Variants in ARMC9 observed in about 807,000 individuals in gnomAD.
ARMC9 encodes armadillo repeat containing 9, also known as lisH domain-containing protein ARMC9.
Under a neutral mutation model 107.0 loss-of-function variants are expected in ARMC9, and 94 were observed. The observed-to-expected ratio is 0.88, with a 90% CI of 0.74 to 1.04. The LOEUF (loss-of-function observed/expected upper bound fraction) is 1.04. ARMC9 is among the 50% of genes least tolerant of loss of function. The pLI, the probability that ARMC9 is intolerant of heterozygous loss-of-function variation, is 0.00. For missense variants in ARMC9, 942 were observed against 1,030.1 expected, an observed-to-expected ratio of 0.91 and a Z score of 1.17; for synonymous variants, 380 against 396.9, an observed-to-expected ratio of 0.96 and a Z score of 0.51.
chr2:231,293,318 C>T (rs2041146233), intron 18 of ARMC9, among the ~76,000 whole-genome samples: 1 of 152,182 alleles, frequency 6.6e-6, no homozygotes, highest in African/African-American at 2.4e-5. Context: ...TCTGGGTAGG[C>T]CACGGTGTGG....
intron 20 of ARMC9, among the ~76,000 whole-genome samples, chr2:231,341,456 G>T (rs188142971): frequency 1.3e-5 from 2 of 152,204 alleles, no homozygotes; most frequent in Non-Finnish European, 2.9e-5. Flanking sequence ...ATGGCCCCTA[G>T]CTGCACGGGA....
intron 19 of ARMC9, among the ~76,000 whole-genome samples, chr2:231,330,842 C>G (rs1251322734): frequency 1.3e-5 from 2 of 149,666 alleles, no homozygotes; most frequent in African/African-American, 5.1e-5. Context: ...CTAAAGGAAG[C>G]AGGCTTTGGG....
In ARMC9 at chr2:231,371,943, AAG is replaced by A. The variant is rs1312537318; in HGVS notation, c.*409_*410del. On this transcript the variant is annotated 3_prime_UTR_variant, in exon 25 of 25. Transcript: ENST00000611582. ...GGCCAGCCTGGAGCAGGGCTTTTCC[AAG>A]GCTGCTGAAGCCAGCCCTCCTCACT... 1.1e-5 allele frequency: 2 copies of A among 183,070 alleles called. No homozygotes were observed. Among genetic ancestry groups the A allele is most frequent in the Non-Finnish European group, 2.3e-5 (2 of 88,862 alleles). 11.3% of individuals were successfully genotyped at this position (183,070 alleles called of 1,614,324 possible).
At chr2:231,242,166 TA>T (rs1431861022) in intron 9 of ARMC9, among the ~76,000 whole-genome samples, 2 of 150,606 alleles carry the variant, frequency 1.3e-5, no homozygotes, top group African/African-American at 4.9e-5. Flanking sequence ...TTTTTTTTTT[TA>T]AACTGGATGG....
chr2:231,302,444 T>G (rs976317034), intron 19 of ARMC9, among the ~76,000 whole-genome samples: 23 of 142,574 alleles, frequency 1.6e-4, no homozygotes, highest in African/African-American at 3.9e-4. Flanking sequence ...TTTGTTTTTT[T>G]TTTTTTTTTT....
rs368018709 is a variant in ARMC9 at position 231,370,166 on chromosome 2, C to T, written c.2434+41C>T. On this transcript the variant is annotated intron_variant, in intron 24 of 24. Transcript: ENST00000611582. ...CCCCACTGGCGTGGGAGCCTGGCCACCCGCCAACCTGCAGGGAAGGGCATT... is the reference window on the plus strand; with the variant it reads ...CCCCACTGGCGTGGGAGCCTGGCCATCCGCCAACCTGCAGGGAAGGGCATT... 2.7e-5 allele frequency: 39 copies of T among 1,469,950 alleles called. No homozygotes were observed. The East Asian group carries it at 2.9e-4, about 11-fold the overall frequency. The allele number at this position is 1,469,950 out of a possible 1,614,324, so 91.1% of individuals were successfully genotyped here. A position where few individuals can be genotyped will look rare whatever the true frequency, so the allele number is the denominator to read the frequency against.
chr2:231,370,986 G>A (rs1033893149), intron 24 of ARMC9: 13 of 453,052 alleles, frequency 2.9e-5, no homozygotes, highest in African/African-American at 2.4e-4. Flanking sequence ...GGTTGGAAGT[G>A]GGGGTAATGG....
At chr2:231,256,064 G>A (rs1448079262) in intron 9 of ARMC9, 17 of 1,529,380 alleles carry the variant, frequency 1.1e-5, no homozygotes, top group African/African-American at 4.2e-5. Context: ...CAAAAAAACC[G>A]CCTCTCCGCC....
intron 20 of ARMC9, among the ~76,000 whole-genome samples, chr2:231,339,568 C>G (rs1229368612): frequency 1.3e-5 from 2 of 152,178 alleles, no homozygotes; most frequent in Non-Finnish European, 2.9e-5. Flanking sequence ...TCTCAGAGTG[C>G]TGGGATAACA....
chr2:231,333,637 G>A (rs1238912404), intron 20 of ARMC9, among the ~76,000 whole-genome samples: 2 of 152,184 alleles, frequency 1.3e-5, no homozygotes, highest in South Asian at 2.1e-4. Context: ...TCAGAGACGC[G>A]GCTCCGTGTG....
chr2:231,370,272 C>A, intron 24 of ARMC9, 147 bp downstream of exon 24: 1 of 921,918 alleles, frequency 1.1e-6, no homozygotes, highest in African/African-American at 1.7e-5. Flanking sequence ...CTTCCCCACA[C>A]AACCAGGCCC....
intron 5 of ARMC9, among the ~76,000 whole-genome samples, chr2:231,218,127 C>A (rs1464699502): frequency 6.6e-6 from 1 of 152,198 alleles, no homozygotes; most frequent in East Asian, 1.9e-4. Flanking sequence ...CAACTTTCAT[C>A]CCTCCTGAAT....
At chr2:231,205,318 T>C (rs191552813) in intron 1 of ARMC9, among the ~76,000 whole-genome samples, 1 of 152,166 alleles carries the variant, frequency 6.6e-6, no homozygotes, top group African/African-American at 2.4e-5. Flanking sequence ...TGCAGTGAGC[T>C]ATGATTGCAC....
At chr2:231,332,858 T>G (rs1313777734) in intron 20 of ARMC9, among the ~76,000 whole-genome samples, 1 of 152,136 alleles carries the variant, frequency 6.6e-6, no homozygotes, top group Non-Finnish European at 1.5e-5. Context: ...TTGAAGCTGG[T>G]GGTTGCTTCA....
intron 6 of ARMC9, among the ~76,000 whole-genome samples, chr2:231,223,315 G>GC: frequency 6.6e-6 from 1 of 152,268 alleles, no homozygotes; most frequent in Non-Finnish European, 1.5e-5. Flanking sequence ...ACAGAGCTGT[G>GC]CAGTATCACC....
At chr2:231,367,931 G>C (rs989741994) in intron 23 of ARMC9, among the ~76,000 whole-genome samples, 2 of 148,072 alleles carry the variant, frequency 1.4e-5, no homozygotes, top group African/African-American at 5.0e-5. Context: ...AATGAGCCGA[G>C]ATCGCACCAT....
chr2:231,374,119 T>C lies in ARMC9; in HGVS notation c.*2584T>C, dbSNP rs978005688. ...TATCTACCAGCTCCAATGAGCTTGC[T>C]GAGGATGGGTATGACCCCAGTCTAA... On this transcript the variant is annotated 3_prime_UTR_variant, in exon 25 of 25. Transcript: ENST00000611582. The C allele has an allele frequency of 1.3e-5, 2 of 152,224 alleles. No individual in the cohort carries two copies. The highest frequency in any genetic ancestry group is 2.9e-5 in the Non-Finnish European group (2 of 68,034). 9.4% of individuals were successfully genotyped at this position (152,224 alleles called of 1,614,324 possible).
At chr2:231,213,107 A>G (rs1054436715) in intron 3 of ARMC9, among the ~76,000 whole-genome samples, 3 of 152,190 alleles carry the variant, frequency 2.0e-5, no homozygotes, top group Admixed American at 6.5e-5. Context: ...AAACAGATAA[A>G]ACAAGTAATT....
At position 231,255,891 on chromosome 2, in the gene ARMC9, T is replaced by A. The variant is rs41265107; in HGVS notation, c.880-695T>A. Among the ~76,000 whole-genome samples the A allele has an allele frequency of 0.12, 17,856 of 152,012 alleles. 2,041 individuals carry two copies. Among genetic ancestry groups the A allele is most frequent in the African/African-American group, 0.29 (11,949 of 41,408 alleles). On this transcript the variant is annotated intron_variant, in intron 9 of 24. Coordinates refer to ENST00000611582, the MANE Select transcript of ARMC9 (RefSeq NM_001352754.2). The surrounding 1 kb of genome is among the most constrained non-coding windows in gnomAD (Gnocchi z 4.7). ...TTTCTACTAAAAATACTAAACAAAA[T>A]TAGCTGAGCATGGTGGCAGGTGCCT...
Sources: allele counts gnomAD v4.1 joint callset (sites outside exome capture counted in the v4.1 genomes callset), GRCh38; gene constraint gnomAD v4.1.1; non-coding constraint Gnocchi (gnomAD v3.1); transcripts MANE v1.5; gene names NCBI Gene and HGNC (gene_info 2026-07-23, HGNC 2026-07-21).